MAP2: variants seen among roughly 807,000 people sequenced by gnomAD.
MAP2 encodes microtubule associated protein 2, also known as microtubule-associated protein 2.
MAP2 carries 14 observed loss-of-function variants against 137.6 expected under a neutral mutation model. That is an observed-to-expected ratio of 0.10 (90% CI 0.07 to 0.16). The LOEUF (loss-of-function observed/expected upper bound fraction) is 0.16, where lower values mean the gene tolerates loss of function less well. Among genes scored for constraint, MAP2 ranks in the 10% least tolerant of loss-of-function variants. MAP2 has a pLI of 1.00. For missense variants in MAP2, 2,088 were observed against 2,191.5 expected (o/e 0.95, Z 0.94); for synonymous variants, 786 against 782.3 (o/e 1.00, Z -0.08).
intron 5 of MAP2, among the ~76,000 whole-genome samples, chr2:209,660,829 A>G (rs1293606345): frequency 2.1e-5 from 3 of 140,680 alleles, no homozygotes; most frequent in East Asian, 4.4e-4. Context: ...CGCCTCCCGG[A>G]TTCACACCCA....
intron 13 of MAP2, among the ~76,000 whole-genome samples, chr2:209,718,077 T>G (rs1399295270): frequency 1.3e-5 from 2 of 152,238 alleles, no homozygotes; most frequent in Admixed American, 1.3e-4. Flanking sequence ...TGAAAGCTAC[T>G]TAAGATCAGG....
At chr2:209,591,533 A>G (rs1050759046) in intron 3 of MAP2, among the ~76,000 whole-genome samples, 5 of 152,224 alleles carry the variant, frequency 3.3e-5, no homozygotes, top group African/African-American at 1.2e-4. Context: ...ATATATTTGA[A>G]TGAGAGTTGA....
intron 4 of MAP2, among the ~76,000 whole-genome samples, chr2:209,642,027 G>A (rs886396156): frequency 1.3e-5 from 2 of 152,108 alleles, no homozygotes; most frequent in Admixed American, 6.6e-5. Context: ...GTTGGGATTT[G>A]ACTTCTCCTT....
intron 3 of MAP2, among the ~76,000 whole-genome samples, chr2:209,580,593 C>T (rs1044766656): frequency 5.3e-5 from 8 of 152,122 alleles, no homozygotes; most frequent in Admixed American, 3.9e-4. Context: ...AATATTGTAA[C>T]TTCTTTATTG....
At chr2:209,699,464 G>C (rs3768810) in intron 10 of MAP2, among the ~76,000 whole-genome samples, 4 of 151,982 alleles carry the variant, frequency 2.6e-5, no homozygotes, top group Non-Finnish European at 5.9e-5. Flanking sequence ...CAAACCACAA[G>C]GGATTGTTTT....
intron 2 of MAP2, among the ~76,000 whole-genome samples, chr2:209,564,573 A>AG (rs1282983080): frequency 6.6e-6 from 1 of 151,036 alleles, no homozygotes; most frequent in African/African-American, 2.4e-5. Flanking sequence ...AAAAAAAAAA[A>AG]AAAAAAAAAA....
chr2:209,721,144 G>A (rs902051859), intron 13 of MAP2, among the ~76,000 whole-genome samples: 20 of 152,170 alleles, frequency 1.3e-4, no homozygotes, highest in African/African-American at 3.4e-4. Context: ...TGAGTCACGC[G>A]GAATAGGCGA....
chr2:209,470,928 C>T (rs1030923771), intron 1 of MAP2, among the ~76,000 whole-genome samples: 1 of 152,124 alleles, frequency 6.6e-6, no homozygotes, highest in African/African-American at 2.4e-5. Context: ...CTGAACATGC[C>T]CTTCAACTTG....
chr2:209,656,163 C>T (rs1199828306), intron 5 of MAP2, among the ~76,000 whole-genome samples: 6 of 152,038 alleles, frequency 3.9e-5, no homozygotes, highest in African/African-American at 1.2e-4. Context: ...GTCAGTGTAT[C>T]CTTGATCTTA....
At chr2:209,535,547 T>C (rs2065826228) in intron 2 of MAP2, among the ~76,000 whole-genome samples, 1 of 144,914 alleles carries the variant, frequency 6.9e-6, no homozygotes, top group Non-Finnish European at 1.5e-5. Context: ...CCTTGCAGTC[T>C]GGCAAAGTGT....
chr2:209,681,811 ATTC>A (rs1252019407), intron 7 of MAP2, among the ~76,000 whole-genome samples: 1 of 152,188 alleles, frequency 6.6e-6, no homozygotes, highest in Non-Finnish European at 1.5e-5. Flanking sequence ...CATTTAAAAT[ATTC>A]TTTGATTTCG....
intron 4 of MAP2, among the ~76,000 whole-genome samples, chr2:209,651,931 T>C (rs2094830199): frequency 6.6e-6 from 1 of 152,236 alleles, no homozygotes; most frequent in South Asian, 2.1e-4. Context: ...AGCTTGGTAG[T>C]AAGAAGTGTA....
chr2:209,523,397 C>G (rs2063559392), intron 2 of MAP2, among the ~76,000 whole-genome samples: 1 of 152,160 alleles, frequency 6.6e-6, no homozygotes, highest in African/African-American at 2.4e-5. Context: ...CACTCTTACT[C>G]TCATTGCTGT....
intron 2 of MAP2, among the ~76,000 whole-genome samples, chr2:209,540,630 CAAAAAAAAAAAAA>C (rs749183996): frequency 5.5e-3 from 153 of 27,602 alleles, no homozygotes; most frequent in Middle Eastern, 0.056. Context: ...GACTCCGTCT[CAAAAAAAAAAAAA>C]AAAAAAAAAA....
At chr2:209,430,395 A>G (rs1282601544) in intron 1 of MAP2, among the ~76,000 whole-genome samples, 2 of 151,924 alleles carry the variant, frequency 1.3e-5, no homozygotes, top group Non-Finnish European at 2.9e-5. Flanking sequence ...GTGTATAATT[A>G]CTTTCTAAGA....
chr2:209,520,716 A>G (rs968288250), intron 2 of MAP2, among the ~76,000 whole-genome samples: 1 of 152,000 alleles, frequency 6.6e-6, no homozygotes, highest in African/African-American at 2.4e-5. Flanking sequence ...TTTCCCTTTC[A>G]TGAGGTCATT....
rs553774629 is a variant in MAP2, at chr2:209,564,292, G to C, written c.-171-15744G>C. On this transcript the variant is annotated intron_variant, in intron 2 of 15. Transcript: ENST00000682079. The stretch of plus-strand genomic sequence containing the variant: ...CATATTCACATATAGATTGACCCCT[G>C]TACCTCATTTTTGGAACTCCCTGTT... Among the ~76,000 whole-genome samples the C allele has an allele frequency of 2.0e-5, 3 of 152,202 alleles. No homozygotes were observed. In the East Asian group the frequency reaches 5.8e-4, roughly 29 times the overall value.
chr2:209,438,782 G>A (rs1000784355), intron 1 of MAP2, among the ~76,000 whole-genome samples: 3 of 151,310 alleles, frequency 2.0e-5, no homozygotes, highest in Non-Finnish European at 4.4e-5. Flanking sequence ...GTAACCTTAC[G>A]ATGACACGGC....
chr2:209,688,199 A>C (rs2057703672), intron 7 of MAP2, among the ~76,000 whole-genome samples: 1 of 152,102 alleles, frequency 6.6e-6, no homozygotes, highest in Non-Finnish European at 1.5e-5. Context: ...TCTGAGAAGG[A>C]AGAAAAAGAG....
Sources: gnomAD v4.1 joint callset for allele counts (sites outside exome capture counted in the v4.1 genomes callset) on GRCh38, gnomAD v4.1.1 for gene constraint, MANE v1.5 for transcripts, NCBI Gene and HGNC (gene_info 2026-07-23, HGNC 2026-07-21) for gene names.